Variants in NEK4 observed in about 807,000 individuals in gnomAD.
NEK4 encodes the protein NIMA related kinase 4, also known as serine/threonine-protein kinase Nek4.
In NEK4, 86 loss-of-function variants were observed where a neutral mutation model predicts 98.4. The ratio of observed to expected loss-of-function variants is 0.87; its 90% CI spans 0.73 to 1.05. The LOEUF is 1.05. Ranked by LOEUF, NEK4 falls within the 50% of genes least tolerant of loss-of-function variation. The probability of loss-of-function intolerance (pLI) is 0.00; values close to 1 mark genes in which losing one functional copy is unlikely to be tolerated. For synonymous variants in NEK4, 328 were observed against 342.2 expected (o/e 0.96, Z 0.46); for missense variants, 898 against 950.3 (o/e 0.94, Z 0.72).
rs761364427 is a variant in NEK4, at chr3:52,766,360, G to T, written c.376C>A (p.His126Asn). ...AMALQYLHEKHILHRDLKTQN... is the reference protein window; with the variant it reads ...AMALQYLHEKNILHRDLKTQN... ...GTTTTCAGATCTCGATGAAGGATGT[G>T]TTTTTCATGTAAATACTGAGGAAAG... is the stretch of plus-strand genomic sequence containing the variant. The change falls in exon 3 of 16, where the codon CAC becomes AAC. Residue 126 changes from histidine to asparagine, a missense_variant. Transcript: ENST00000233027. The T allele has an allele frequency of 1.7e-5, 28 of 1,611,632 alleles. No individual in the cohort carries two copies. Among genetic ancestry groups the T allele is most frequent in the Middle Eastern group, 1.6e-4 (1 of 6,078 alleles).
At chr3:52,743,794 A>G (rs1384604828) in intron 11 of NEK4, among the ~76,000 whole-genome samples, 1 of 152,236 alleles carries the variant, frequency 6.6e-6, no homozygotes, top group Non-Finnish European at 1.5e-5. Flanking sequence ...CATGGTCAGC[A>G]TTCAATAAAT....
Position 52,739,607 on chromosome 3 carries a change from GGC to G in NEK4, c.2119_2120del (p.Ala707LeufsTer14). The part of the protein sequence containing the change: ...EGKGQTNEIN[A>X]LVQLMTQTLK... ...GGGTCTGAGTCATCAATTGTACCAA[GGC>G]ATTAATTTCATTTGTCTGACCTTTC... On this transcript the variant is annotated frameshift_variant, in exon 14 of 16. Coordinates refer to ENST00000233027, the MANE Select transcript of NEK4 (RefSeq NM_003157.6). LOFTEE classifies it high-confidence loss of function. The G allele has an allele frequency of 1.2e-6, 2 of 1,613,852 alleles. No homozygotes were observed. The highest frequency in any genetic ancestry group is 1.7e-6 in the Non-Finnish European group (2 of 1,179,896).
intron 15 of NEK4, among the ~76,000 whole-genome samples, chr3:52,719,792 A>T (rs2097358509): frequency 6.6e-6 from 1 of 152,140 alleles, no homozygotes; most frequent in Non-Finnish European, 1.5e-5. Context: ...TGAAAAGAAA[A>T]ATTCACTAGA....
intron 15 of NEK4, among the ~76,000 whole-genome samples, chr3:52,721,933 C>A (rs2097360447): frequency 6.6e-6 from 1 of 152,194 alleles, no homozygotes; most frequent in African/African-American, 2.4e-5. Flanking sequence ...ACCCCACCTT[C>A]AAGCCAAATC....
chr3:52,741,429 T>C lies in NEK4; in HGVS notation c.2075A>G (p.Asp692Gly). ...AACTTACCCTTCCCCGTAATCCCCATCTGACTTATCAGTTGAACTTGTAGA... is the reference window on the plus strand; with the variant it reads ...AACTTACCCTTCCCCGTAATCCCCACCTGACTTATCAGTTGAACTTGTAGA... ...SSSTSSTDKS[D>G]GDYGEGKGQT... Residue 692 changes from aspartate to glycine, a missense_variant, in exon 13 of 16, where the codon GAT becomes GGT. Transcript: ENST00000233027. The C allele has an allele frequency of 6.2e-7, 1 of 1,603,826 alleles. No homozygotes were observed. Among genetic ancestry groups the C allele is most frequent in the Non-Finnish European group, 8.5e-7 (1 of 1,170,766 alleles).
chr3:52,738,403 CTT>C (rs549590598), intron 14 of NEK4, among the ~76,000 whole-genome samples: 28 of 128,222 alleles, frequency 2.2e-4, no homozygotes, highest in Middle Eastern at 4.2e-3. Context: ...CACACCAAGC[CTT>C]TTTTTTTTTT....
Position 52,752,222 on chromosome 3 carries a change from C to G in NEK4, c.1078G>C (p.Ala360Pro). 1 of 1,614,184 alleles carries G rather than the reference C, an allele frequency of 6.2e-7. No individual in the cohort carries two copies. The highest frequency in any genetic ancestry group is 8.5e-7 in the Non-Finnish European group (1 of 1,180,042). ...TCAATATTTACGCTACTGATTGTGGCTAGTTCTGTGGTATTGCTCAAGTCC... is the reference window on the plus strand; with the variant it reads ...TCAATATTTACGCTACTGATTGTGGGTAGTTCTGTGGTATTGCTCAAGTCC... ...KQDLSNTTEL[A>P]TISSVNIDIL... The change falls in exon 7 of 16, where the codon GCC becomes CCC. Residue 360 changes from alanine to proline, a missense_variant. By Grantham distance (27) the Ala-to-Pro change is conservative. Coordinates refer to ENST00000233027, the MANE Select transcript of NEK4 (RefSeq NM_003157.6).
In NEK4 at chr3:52,752,160, A is replaced by G. The variant is rs746255578; in HGVS notation, c.1140T>C (p.Asp380=). The change falls in exon 7 of 16, where the codon GAT becomes GAC. Residue 380 remains aspartate (D), a synonymous_variant. Transcript: ENST00000233027. ...LPAKGRDSVS[D]GFVQENQPRY... ...TTGGCTGATTCTCCTGAACAAAGCC[A>G]TCACTCACTGAATCCCTCCCTTTTG... 1.9e-6 allele frequency: 3 copies of G among 1,614,216 alleles called. No individual in the cohort carries two copies. In the East Asian group the frequency reaches 6.7e-5, roughly 36 times the overall value.
At chr3:52,758,178 CAAAAAAAAAAAAAAA>C (rs35117059) in intron 6 of NEK4, among the ~76,000 whole-genome samples, 63 of 62,790 alleles carry the variant, frequency 1.0e-3, no homozygotes, top group Non-Finnish European at 1.5e-3. Context: ...GACACCATCT[CAAAAAAAAAAAAAAA>C]AAAAAAAAAA....
At chr3:52,764,648 C>T (rs554435352) in intron 4 of NEK4, among the ~76,000 whole-genome samples, 4 of 151,926 alleles carry the variant, frequency 2.6e-5, no homozygotes, top group East Asian at 1.9e-4. Flanking sequence ...AAAAAACTTG[C>T]AGGTACCGAC....
chr3:52,749,525 G>A (rs2097401561), intron 8 of NEK4, among the ~76,000 whole-genome samples, 167 bp downstream of exon 8: 1 of 151,900 alleles, frequency 6.6e-6, no homozygotes, highest in South Asian at 2.1e-4. Context: ...GAGAAATACT[G>A]GCCAAAGTAT....
chr3:52,754,428 A>C (rs911025163), intron 6 of NEK4: 7 of 550,366 alleles, frequency 1.3e-5, no homozygotes, highest in Admixed American at 4.2e-5. Flanking sequence ...ATACTGTATG[A>C]GAAAGATGTT....
At position 52,711,157 on chromosome 3, in the gene NEK4, A is replaced by G. The variant is rs2097349981; in HGVS notation, c.*620T>C. The G allele has an allele frequency of 6.6e-6, 1 of 152,522 alleles. No homozygotes were observed. The highest frequency in any genetic ancestry group is 1.5e-5 in the Non-Finnish European group (1 of 68,008). 9.4% of individuals were successfully genotyped at this position (152,522 alleles called of 1,614,324 possible). A position where few individuals can be genotyped will look rare whatever the true frequency, so the allele number is the denominator to read the frequency against. ...CTGATTTACAAAGCCAATGTGTCTC[A>G]GTTTTAATTTGTATATACCCTAGAT... On this transcript the variant is annotated 3_prime_UTR_variant, in exon 16 of 16. Coordinates refer to ENST00000233027, the MANE Select transcript of NEK4 (RefSeq NM_003157.6).
chr3:52,746,794 C>A lies in NEK4; in HGVS notation c.1617G>T (p.Lys539Asn). 1 of 1,614,166 alleles carries A rather than the reference C, an allele frequency of 6.2e-7. No homozygotes were observed. Among genetic ancestry groups the A allele is most frequent in the Non-Finnish European group, 8.5e-7 (1 of 1,180,016 alleles). ...EPSLSRQRRQ[K>N]RREQTEHRGE... ...CTCTGTGCTCAGTCTGTTCTCTCCTCTTTTGCCGTCGCTGTCGAGACAGGG... is the reference window on the plus strand; with the variant it reads ...CTCTGTGCTCAGTCTGTTCTCTCCTATTTTGCCGTCGCTGTCGAGACAGGG... The change falls in exon 9 of 16, where the codon AAG becomes AAT. Residue 539 changes from lysine to asparagine, a missense_variant. Transcript: ENST00000233027.
intron 15 of NEK4, among the ~76,000 whole-genome samples, chr3:52,716,405 TG>T (rs1352883465): frequency 4.6e-5 from 7 of 152,364 alleles, no homozygotes; most frequent in African/African-American, 1.7e-4. Context: ...ATCGAGAGAA[TG>T]AATTTCCCAA....
chr3:52,759,606 T>G (rs1413008508), intron 6 of NEK4, among the ~76,000 whole-genome samples: 3 of 152,084 alleles, frequency 2.0e-5, no homozygotes, highest in Non-Finnish European at 4.4e-5. Flanking sequence ...GTGGAGAAAC[T>G]GGAACTCTTG....
chr3:52,711,550 G>C lies in NEK4; in HGVS notation c.*227C>G. ...CAGTAATCAAACAAACAACAGATTT[G>C]TCCTCACAAAGAGAATATGAAAGCC... is the stretch of plus-strand genomic sequence containing the variant. On this transcript the variant is annotated 3_prime_UTR_variant, in exon 16 of 16. Transcript: ENST00000233027. 2.7e-6 allele frequency: 1 copy of C among 370,632 alleles called. No homozygotes were observed. The allele number at this position is 370,632 out of a possible 1,614,324, so 23.0% of individuals were successfully genotyped here. A position where few individuals can be genotyped will look rare whatever the true frequency, so the allele number is the denominator to read the frequency against.
At chr3:52,747,776 T>C (rs2097398736) in intron 8 of NEK4, among the ~76,000 whole-genome samples, 1 of 141,810 alleles carries the variant, frequency 7.1e-6, no homozygotes, top group Non-Finnish European at 1.5e-5. Context: ...GAGACCTCCA[T>C]CTCCATTTAA....
chr3:52,770,671 G>T lies in NEK4; in HGVS notation c.76C>A (p.Arg26=), dbSNP rs1480023654. 2.6e-6 allele frequency: 4 copies of T among 1,561,788 alleles called. No individual in the cohort carries two copies. The highest frequency in any genetic ancestry group is 2.6e-6 in the Non-Finnish European group (3 of 1,153,914). Residue 26 remains arginine, a synonymous_variant, in exon 1 of 16, where the codon CGG becomes AGG. Transcript: ENST00000233027. ...SYGEVTLVKH[R]RDGKQYVIKK... ...CTGCAGACCTGCTTGCCGTCCCGCC[G>T]GTGCTTCACAAGCGTCACCTCTCCA... is the stretch of plus-strand genomic sequence containing the variant.
Sources: allele counts gnomAD v4.1 joint callset (sites outside exome capture counted in the v4.1 genomes callset), GRCh38; gene constraint gnomAD v4.1.1; transcripts MANE v1.5; gene names NCBI Gene and HGNC (gene_info 2026-07-23, HGNC 2026-07-21).